TFDP2: variants seen among roughly 807,000 people sequenced by gnomAD.
The protein encoded by TFDP2 is transcription factor Dp-2.
In TFDP2, 17 loss-of-function variants were observed where a neutral mutation model predicts 59.3. The observed-to-expected ratio is 0.29, with a 90% CI of 0.20 to 0.43. The LOEUF (loss-of-function observed/expected upper bound fraction) is 0.43. Among genes scored for constraint, TFDP2 ranks in the 20% least tolerant of loss-of-function variants. The probability of loss-of-function intolerance (pLI) is 1.00; values close to 1 mark genes in which losing one functional copy is unlikely to be tolerated. For missense variants in TFDP2, 391 were observed against 528.8 expected, an observed-to-expected ratio of 0.74 and a Z score of 2.56; for synonymous variants, 180 against 194.7, an observed-to-expected ratio of 0.92 and a Z score of 0.63.
chr3:141,972,747 C>T (rs766343624), intron 8 of TFDP2, among the ~76,000 whole-genome samples: 1 of 152,120 alleles, frequency 6.6e-6, no homozygotes, highest in Non-Finnish European at 1.5e-5. Context: ...TTTCTCTTCT[C>T]CCCGGTGAGA....
At chr3:142,110,893 C>CA (rs1400876815) in intron 1 of TFDP2, among the ~76,000 whole-genome samples, 2 of 151,566 alleles carry the variant, frequency 1.3e-5, no homozygotes, top group African/African-American at 4.9e-5. Context: ...GTAGAGGCTG[C>CA]AGTGAGCCAT....
chr3:142,016,135 C>A (rs558962030), intron 3 of TFDP2, among the ~76,000 whole-genome samples: 2 of 151,530 alleles, frequency 1.3e-5, no homozygotes. Flanking sequence ...CCTCAGCCTC[C>A]CGAGTAGCTG....
At chr3:142,039,472 G>A (rs1946852845) in intron 3 of TFDP2, among the ~76,000 whole-genome samples, 1 of 151,860 alleles carries the variant, frequency 6.6e-6, no homozygotes, top group Middle Eastern at 3.2e-3. Flanking sequence ...CTGCAGCCTC[G>A]ACCTCCTGGG....
chr3:141,973,465 G>C (rs1402385966), intron 8 of TFDP2, among the ~76,000 whole-genome samples: 1 of 152,042 alleles, frequency 6.6e-6, no homozygotes, highest in Non-Finnish European at 1.5e-5. Flanking sequence ...GTATGTCAGG[G>C]AACATGCTCA....
At chr3:142,000,809 A>T (rs138571548) in intron 4 of TFDP2, among the ~76,000 whole-genome samples, 217 of 152,354 alleles carry the variant, frequency 1.4e-3, no homozygotes, top group Non-Finnish European at 2.4e-3. Flanking sequence ...GGTCCCAACC[A>T]ATACAAAACC....
rs534356687 is a variant in TFDP2, at chr3:141,988,064, GCTTCCCAAATA to G, written c.356+5463_356+5473del. Reference sequence around the variant, plus strand: ...TATACTCAGCGATCCTCCTGCCTCAGCTTCCCAAATAGCTGGGACTACAGGAGTATACCACC... The same window carrying G: ...TATACTCAGCGATCCTCCTGCCTCAGGCTGGGACTACAGGAGTATACCACC... On this transcript the variant is annotated intron_variant, in intron 6 of 12. Transcript: ENST00000489671. Among the ~76,000 whole-genome samples the G allele has an allele frequency of 4.9e-3, 750 of 152,244 alleles. 5 individuals are homozygous for G. The highest frequency in any genetic ancestry group is 0.017 in the African/African-American group (715 of 41,538).
At chr3:142,137,503 A>C (rs1275972572) in intron 1 of TFDP2, among the ~76,000 whole-genome samples, 1 of 152,126 alleles carries the variant, frequency 6.6e-6, no homozygotes, top group South Asian at 2.1e-4. Context: ...ATTCAGTATG[A>C]TATTGGCTGT....
chr3:142,035,473 T>C (rs1946649506), intron 3 of TFDP2, among the ~76,000 whole-genome samples: 1 of 152,120 alleles, frequency 6.6e-6, no homozygotes. Context: ...CCTCATTACA[T>C]CTCCTTGGTC....
intron 4 of TFDP2, among the ~76,000 whole-genome samples, chr3:141,998,877 G>A (rs748360236): frequency 6.6e-6 from 1 of 151,540 alleles, no homozygotes; most frequent in Non-Finnish European, 1.5e-5. Context: ...GCCATCTACA[G>A]TTAAAAAAAG....
intron 3 of TFDP2, among the ~76,000 whole-genome samples, chr3:142,008,069 T>C (rs1227019153): frequency 6.6e-6 from 1 of 152,146 alleles, no homozygotes; most frequent in Non-Finnish European, 1.5e-5. Flanking sequence ...TCTAACTCAG[T>C]GATTCACAAT....
chr3:142,008,718 C>A (rs527491132), intron 3 of TFDP2, among the ~76,000 whole-genome samples: 4 of 152,012 alleles, frequency 2.6e-5, no homozygotes, highest in African/African-American at 9.7e-5. Flanking sequence ...TATATACATA[C>A]GCATATAAAG....
chr3:142,043,974 G>T, intron 3 of TFDP2: 1 of 733,312 alleles, frequency 1.4e-6, no homozygotes, highest in Non-Finnish European at 2.5e-6. Context: ...CTATGCCACT[G>T]TGCCTGCCTT....
At chr3:141,994,046 A>G (rs1244026752) in intron 5 of TFDP2, among the ~76,000 whole-genome samples, 1 of 152,238 alleles carries the variant, frequency 6.6e-6, no homozygotes, top group Non-Finnish European at 1.5e-5. Context: ...TTTGATCTAC[A>G]TAAGAATGTT....
chr3:142,061,734 T>G (rs1235661349), intron 3 of TFDP2, among the ~76,000 whole-genome samples: 2 of 152,102 alleles, frequency 1.3e-5, no homozygotes, highest in African/African-American at 4.8e-5. Context: ...CTTGTGCCAC[T>G]GGCTCCCGTG....
intron 1 of TFDP2, among the ~76,000 whole-genome samples, chr3:142,127,568 C>T (rs1363255297): frequency 6.6e-6 from 1 of 151,994 alleles, no homozygotes; most frequent in Non-Finnish European, 1.5e-5. Context: ...CATCTCTTGA[C>T]CTCGTGATCT....
chr3:141,977,858 A>G (rs956759485), intron 7 of TFDP2, among the ~76,000 whole-genome samples: 4 of 151,448 alleles, frequency 2.6e-5, no homozygotes, highest in Non-Finnish European at 5.9e-5. Context: ...TTACAGGCAC[A>G]TGCCACCATG....
intron 3 of TFDP2, among the ~76,000 whole-genome samples, chr3:142,009,659 A>G (rs1370766011): frequency 1.3e-5 from 2 of 151,760 alleles, no homozygotes; most frequent in Non-Finnish European, 2.9e-5. Context: ...GCAGACAGCC[A>G]AGATAGCGCC....
intron 2 of TFDP2, among the ~76,000 whole-genome samples, chr3:142,099,066 A>T (rs2061247586): frequency 6.6e-6 from 1 of 152,252 alleles, no homozygotes; most frequent in African/African-American, 2.4e-5. Flanking sequence ...GAGAAAATTT[A>T]AAATGTACAT....
At chr3:142,113,841 G>A (rs73233892) in intron 1 of TFDP2, among the ~76,000 whole-genome samples, 12,918 of 152,102 alleles carry the variant, frequency 0.085, 689 homozygotes, top group Middle Eastern at 0.14. Flanking sequence ...GCGTCATCAT[G>A]GTATTTAATA....
Sources: gnomAD v4.1 joint callset for allele counts (sites outside exome capture counted in the v4.1 genomes callset) on GRCh38, gnomAD v4.1.1 for gene constraint, MANE v1.5 for transcripts, NCBI Gene and HGNC (gene_info 2026-07-23, HGNC 2026-07-21) for gene names.